The following SLC38A10 variants were observed in gnomAD, a reference collection of about 807,000 sequenced individuals.
The protein encoded by SLC38A10 is Sodium-coupled neutral amino acid transporter 10.
In SLC38A10, 53 loss-of-function variants were observed where a neutral mutation model predicts 81.0. That is an observed-to-expected ratio of 0.65 (90% CI 0.53 to 0.82). The LOEUF (loss-of-function observed/expected upper bound fraction) is 0.82. SLC38A10 is among the 40% of genes least tolerant of loss of function. SLC38A10 has a pLI of 0.00. For missense variants in SLC38A10, 1,471 were observed against 1,545.0 expected (o/e 0.95, Z 0.80); for synonymous variants, 665 against 655.3 (o/e 1.01, Z -0.23).
At chr17:81,291,205 G>A (rs2063307527) in intron 1 of SLC38A10, among the ~76,000 whole-genome samples, 2 of 152,042 alleles carry the variant, frequency 1.3e-5, no homozygotes, top group Admixed American at 6.6e-5. Context: ...GTCCGGCTGG[G>A]CACACTGGCT....
chr17:81,289,261 C>T lies in SLC38A10; in HGVS notation c.217+430G>A, dbSNP rs1567949832. ...TTCACCATGTTGTCCAGGCTCGTCT[C>T]GAACTCCTGACCTCAAATAATCCGC... On this transcript the variant is annotated intron_variant, in intron 2 of 15. Coordinates refer to ENST00000374759, the MANE Select transcript of SLC38A10 (RefSeq NM_001037984.3). The surrounding 1 kb of genome is among the most constrained non-coding windows in gnomAD (Gnocchi z 5.9). 2.0e-5 allele frequency among the ~76,000 whole-genome samples: 3 copies of T among 152,042 alleles called. No homozygotes were observed. The highest frequency in any genetic ancestry group is 4.4e-5 in the Non-Finnish European group (3 of 68,016).
At position 81,288,195 on chromosome 17, in the gene SLC38A10, T is replaced by G. The variant is rs986062460; in HGVS notation, c.217+1496A>C. 6.6e-6 allele frequency among the ~76,000 whole-genome samples: 1 copy of G among 152,136 alleles called. No individual in the cohort carries two copies. Among genetic ancestry groups the G allele is most frequent in the African/African-American group, 2.4e-5 (1 of 41,432 alleles). ...CAACATGAAGGGGACTGGGAGGAAG[T>G]GGAGGCTGGGAGGCCAGGACCCACG... On this transcript the variant is annotated intron_variant, in intron 2 of 15. Transcript: ENST00000374759. The surrounding 1 kb of genome is among the most constrained non-coding windows in gnomAD (Gnocchi z 5.4).
chr17:81,246,054 A>G lies in SLC38A10; in HGVS notation c.2862T>C (p.Ala954=). The G allele has an allele frequency of 6.2e-7, 1 of 1,609,716 alleles. No individual in the cohort carries two copies. The highest frequency in any genetic ancestry group is 8.5e-7 in the Non-Finnish European group (1 of 1,179,558). The change falls in exon 16 of 16, where the codon GCT becomes GCC. Residue 954 remains alanine (A), a synonymous_variant. Transcript: ENST00000374759. ...CCCGCAGTTCCGGCTGGCGTAACACAGCCTGGGGCTGTGCAGCTGCTCCTT... is the reference window on the plus strand; with the variant it reads ...CCCGCAGTTCCGGCTGGCGTAACACGGCCTGGGGCTGTGCAGCTGCTCCTT... ...GAEGAAAQPQ[A]VLRQPELRVI...
At chr17:81,251,433 G>A in intron 14 of SLC38A10, 60 bp downstream of exon 14, 3 of 1,608,402 alleles carry the variant, frequency 1.9e-6, no homozygotes, top group Non-Finnish European at 2.5e-6. Context: ...CCCCAGGGCT[G>A]GGGGAGGGGG....
chr17:81,262,984 AG>A (rs1450570320), intron 10 of SLC38A10: 1 of 152,274 alleles, frequency 6.6e-6, no homozygotes, highest in Non-Finnish European at 1.5e-5. Flanking sequence ...CAAGCTTTCC[AG>A]GAAGACCCAG....
At chr17:81,280,031 C>A (rs557117749) in intron 6 of SLC38A10, 1 of 394,568 alleles carries the variant, frequency 2.5e-6, no homozygotes, top group Non-Finnish European at 5.2e-6. Context: ...CCGTCTGCGC[C>A]GGATTTACGC....
intron 1 of SLC38A10, among the ~76,000 whole-genome samples, chr17:81,291,094 G>A (rs537606632): frequency 9.7e-4 from 148 of 152,190 alleles, no homozygotes; most frequent in Non-Finnish European, 1.4e-3. Flanking sequence ...ACACTAGTGC[G>A]AGACGTCAGT....
At chr17:81,293,466 C>A (rs1313198264) in intron 1 of SLC38A10, among the ~76,000 whole-genome samples, 2 of 150,084 alleles carry the variant, frequency 1.3e-5, no homozygotes, top group African/African-American at 2.4e-5. Context: ...ATTCCTTGAT[C>A]AAAAAAAAGT....
At chr17:81,254,909 C>T (rs977845466) in intron 11 of SLC38A10, among the ~76,000 whole-genome samples, 2 of 152,214 alleles carry the variant, frequency 1.3e-5, no homozygotes, top group African/African-American at 4.8e-5. Context: ...GAAAGGGAGG[C>T]TGGGGAGGGG....
At position 81,289,842 on chromosome 17, in the gene SLC38A10, C is replaced by G. The variant is rs1008096557; in HGVS notation, c.100-34G>C. 6.5e-7 allele frequency: 1 copy of G among 1,527,684 alleles called. No individual in the cohort carries two copies. The highest frequency in any genetic ancestry group is 1.4e-5 in the African/African-American group (1 of 72,490). The allele number at this position is 1,527,684 out of a possible 1,614,324, so 94.6% of individuals were successfully genotyped here. A position where few individuals can be genotyped will look rare whatever the true frequency, so the allele number is the denominator to read the frequency against. On this transcript the variant is annotated intron_variant, in intron 1 of 15. Coordinates refer to ENST00000374759, the MANE Select transcript of SLC38A10 (RefSeq NM_001037984.3). The surrounding 1 kb of genome is among the most constrained non-coding windows in gnomAD (Gnocchi z 5.9). ...TGGAGACAGGAACACATGTTCACAG[C>G]AGCAGGTGCTCCCCAGAGGCCCTCA...
In SLC38A10 at chr17:81,262,392, CTG is replaced by C. The variant is rs544692529; in HGVS notation, c.1132-2000_1132-1999del. ...ACCAGGAAGCTGCCTGGACAGGAGACTGTGTTGTCTGGAAGCCCTGGGAAGCT... is the reference window on the plus strand; with the variant it reads ...ACCAGGAAGCTGCCTGGACAGGAGACTGTTGTCTGGAAGCCCTGGGAAGCT... On this transcript the variant is annotated intron_variant, in intron 10 of 15. Coordinates refer to ENST00000374759, the MANE Select transcript of SLC38A10 (RefSeq NM_001037984.3). Among the ~76,000 whole-genome samples the C allele has an allele frequency of 4.5e-3, 692 of 152,336 alleles. 3 individuals carry two copies. The highest frequency in any genetic ancestry group is 7.0e-3 in the Non-Finnish European group (475 of 68,036).
At position 81,253,877 on chromosome 17, in the gene SLC38A10, TCATCAC is replaced by T. The variant is rs1205609793; in HGVS notation, c.1289-643_1289-638del. 4.5e-4 allele frequency among the ~76,000 whole-genome samples: 68 copies of T among 151,364 alleles called. No homozygotes were observed. The highest frequency in any genetic ancestry group is 7.7e-4 in the Non-Finnish European group (52 of 67,826). ...TCCATCCCTACCACCATCACCATCATCATCACCATCACCACTACCATCACCACCATC... is the reference window on the plus strand; with the variant it reads ...TCCATCCCTACCACCATCACCATCATCATCACCACTACCATCACCACCATC... On this transcript the variant is annotated intron_variant, in intron 11 of 15. Transcript: ENST00000374759. The surrounding 1 kb of genome is among the most constrained non-coding windows in gnomAD (Gnocchi z 4.1).
At chr17:81,273,638 G>A (rs1039984957) in intron 8 of SLC38A10, among the ~76,000 whole-genome samples, 3 of 152,182 alleles carry the variant, frequency 2.0e-5, no homozygotes, top group Non-Finnish European at 4.4e-5. Context: ...GCCTCAGGGC[G>A]GTAATTTGTA....
rs557605693 is a variant in SLC38A10 at position 81,252,195 on chromosome 17, C to A, written c.1945G>T (p.Gly649Cys). ...TGQPAEDSDH[G>C]GKPPLPAEKP... ...GACACGAGCCCAGGCTGACACCCAC[C>A]GTGGTCGCTGTCCTCTGCGGGCTGC... Residue 649 changes from glycine (G) to cysteine (C), a missense_variant and splice_region_variant, in exon 13 of 16, where the codon GGT (glycine) becomes TGT (cysteine). This residue lies in a region of SLC38A10 where 751 missense variants were observed against 717.4 expected (regional missense o/e 1.05). Transcript: ENST00000374759. 1.3e-6 allele frequency: 2 copies of A among 1,504,634 alleles called. No individual in the cohort carries two copies. Among genetic ancestry groups the A allele is most frequent in the East Asian group, 2.3e-5 (1 of 43,784 alleles). 93.2% of individuals were successfully genotyped at this position (1,504,634 alleles called of 1,614,324 possible). A position where few individuals can be genotyped will look rare whatever the true frequency, so the allele number is the denominator to read the frequency against.
At chr17:81,267,965 C>T (rs767567037) in intron 10 of SLC38A10, among the ~76,000 whole-genome samples, 1 of 151,628 alleles carries the variant, frequency 6.6e-6, no homozygotes, top group African/African-American at 2.4e-5. Context: ...AATGAGGGCG[C>T]TCCAGCAGCC....
Position 81,295,015 on chromosome 17 carries a change from C to A in SLC38A10, c.-94G>T. The A allele has an allele frequency of 7.1e-7, 1 of 1,417,176 alleles. No individual in the cohort carries two copies. The highest frequency in any genetic ancestry group is 9.3e-7 in the Non-Finnish European group (1 of 1,080,300). 87.8% of individuals were successfully genotyped at this position (1,417,176 alleles called of 1,614,324 possible). On this transcript the variant is annotated 5_prime_UTR_variant, in exon 1 of 16. Transcript: ENST00000374759. ...CCAGCCCGAGGCCACGGTCACAGGT[C>A]CCAACGTCCGGGACGCCGGTGGGGA...
At position 81,245,168 on chromosome 17, in the gene SLC38A10, G is replaced by T. The variant is rs753502177; in HGVS notation, c.*388C>A. ...AGCAGCCATGCGCACCTCCACGCACGGCCGAGCTCAACCCGAAGACCACGC... is the reference window on the plus strand; with the variant it reads ...AGCAGCCATGCGCACCTCCACGCACTGCCGAGCTCAACCCGAAGACCACGC... On this transcript the variant is annotated 3_prime_UTR_variant, in exon 16 of 16. Coordinates refer to ENST00000374759, the MANE Select transcript of SLC38A10 (RefSeq NM_001037984.3). 4 of 213,480 alleles carry T rather than the reference G, an allele frequency of 1.9e-5. No individual in the cohort carries two copies. The highest frequency in any genetic ancestry group is 3.7e-5 in the Non-Finnish European group (4 of 107,356). The allele number at this position is 213,480 out of a possible 1,614,324, so 13.2% of individuals were successfully genotyped here. A position where few individuals can be genotyped will look rare whatever the true frequency, so the allele number is the denominator to read the frequency against.
At chr17:81,290,989 G>T (rs563321642) in intron 1 of SLC38A10, among the ~76,000 whole-genome samples, 1 of 151,746 alleles carries the variant, frequency 6.6e-6, no homozygotes, top group African/African-American at 2.4e-5. Flanking sequence ...CCTGGCGACC[G>T]AGCAAGACTC....
chr17:81,289,850 G>A lies in SLC38A10; in HGVS notation c.100-42C>T, dbSNP rs1309533077. 3 of 1,494,414 alleles carry A rather than the reference G, an allele frequency of 2.0e-6. No individual in the cohort carries two copies. Among genetic ancestry groups the A allele is most frequent in the East Asian group, 2.5e-5 (1 of 39,380 alleles). 92.6% of individuals were successfully genotyped at this position (1,494,414 alleles called of 1,614,324 possible). ...GGAACACATGTTCACAGCAGCAGGT[G>A]CTCCCCAGAGGCCCTCACCCCACAC... is the stretch of plus-strand genomic sequence containing the variant. On this transcript the variant is annotated intron_variant, in intron 1 of 15. Coordinates refer to ENST00000374759, the MANE Select transcript of SLC38A10 (RefSeq NM_001037984.3). This position sits in a 1 kb window ranked among gnomAD's most constrained non-coding sequence, Gnocchi z 5.9.
Sources: gnomAD v4.1 joint callset for allele counts (sites outside exome capture counted in the v4.1 genomes callset) on GRCh38, gnomAD v4.1.1 for gene constraint, gnomAD v4.1.1 regional missense constraint, Gnocchi (gnomAD v3.1) non-coding constraint, MANE v1.5 for transcripts, NCBI Gene and HGNC (gene_info 2026-07-23, HGNC 2026-07-21) for gene names.